BRAT1: variants seen among roughly 807,000 people sequenced by gnomAD.
The protein encoded by BRAT1 is BRCA1 associated ATM activator 1, also known as integrator complex assembly factor BRAT1.
In BRAT1, 74 loss-of-function variants were observed where a neutral mutation model predicts 70.6. The ratio of observed to expected loss-of-function variants is 1.05; its 90% CI spans 0.87 to 1.27. The LOEUF is 1.27. Among genes scored for constraint, BRAT1 ranks in the 50% most tolerant of loss-of-function variants. The probability of loss-of-function intolerance (pLI) is 0.00; values close to 1 mark genes in which losing one functional copy is unlikely to be tolerated. For missense variants in BRAT1, 1,203 were observed against 1,098.2 expected, an observed-to-expected ratio of 1.10 and a Z score of -1.35; for synonymous variants, 615 against 517.1, an observed-to-expected ratio of 1.19 and a Z score of -2.57.
At chr7:2,542,319 A>G in intron 6 of BRAT1, 108 bp from the exon 7 acceptor site, 3 of 901,038 alleles carry the variant, frequency 3.3e-6, no homozygotes, top group Admixed American at 4.5e-5. Context: ...GGGTTGGGAC[A>G]CCCCCCGAGA....
At chr7:2,541,098 G>A in intron 9 of BRAT1, 46 bp from the exon 10 acceptor site, 2 of 1,483,868 alleles carry the variant, frequency 1.3e-6, no homozygotes, top group Non-Finnish European at 1.8e-6. Flanking sequence ...CCCACCCTAG[G>A]ACCCTCCCCA....
Position 2,541,822 on chromosome 7 carries a change from T to A in BRAT1, c.1030A>T (p.Thr344Ser), listed in dbSNP as rs763783847. ...TCCACCGTCGTGGCATCGTCTGCCG[T>A]CCCGTCCAGCAAGCCTGGGGGCCAA... ...APGPPGLLDG[T>S]ADDATTVDTL... Residue 344 changes from threonine to serine, a missense_variant, in exon 8 of 14, where the codon ACG becomes TCG. Physicochemically the swap from Thr to Ser is moderately conservative, Grantham distance 58. Transcript: ENST00000340611. 6.8e-6 allele frequency: 11 copies of A among 1,612,554 alleles called. No homozygotes were observed. Among genetic ancestry groups the A allele is most frequent in the Non-Finnish European group, 9.3e-6 (11 of 1,179,850 alleles).
rs552364140 is a variant in BRAT1 at position 2,545,141 on chromosome 7, A to G, written c.283-85T>C. 9.1e-5 allele frequency: 125 copies of G among 1,381,144 alleles called. No homozygotes were observed. The African/African-American group carries it at 1.6e-3, about 18-fold the overall frequency. The allele number at this position is 1,381,144 out of a possible 1,614,324, so 85.6% of individuals were successfully genotyped here. On this transcript the variant is annotated intron_variant, in intron 3 of 13. Coordinates refer to ENST00000340611, the MANE Select transcript of BRAT1 (RefSeq NM_152743.4). ...AGCACTTTGGGAGGCCGAGGAGGGC[A>G]GATCACGAGGTCAGGAGTTCGAGAC...
intron 2 of BRAT1, among the ~76,000 whole-genome samples, chr7:2,551,498 C>T (rs1437868739): frequency 2.6e-5 from 4 of 151,318 alleles, no homozygotes; most frequent in Non-Finnish European, 5.9e-5. Context: ...CCAAGCTGGC[C>T]TGGACAAGAT....
At chr7:2,546,506 G>GA (rs1178914976) in intron 3 of BRAT1, among the ~76,000 whole-genome samples, 3 of 152,176 alleles carry the variant, frequency 2.0e-5, no homozygotes, top group African/African-American at 7.2e-5. Flanking sequence ...GGCCGAGGCA[G>GA]ACGGATCACT....
chr7:2,551,851 A>C (rs1583336530), intron 2 of BRAT1, among the ~76,000 whole-genome samples: 2 of 151,326 alleles, frequency 1.3e-5, no homozygotes, highest in African/African-American at 4.8e-5. Flanking sequence ...GATTCAAAAC[A>C]TATGTTATGT....
chr7:2,541,654 T>C, intron 8 of BRAT1, 64 bp downstream of exon 8: 1 of 1,519,616 alleles, frequency 6.6e-7, no homozygotes. Flanking sequence ...GGCGTCAGCC[T>C]ACGTTGCGGT....
At chr7:2,553,975 A>C (rs374753377) in intron 2 of BRAT1, among the ~76,000 whole-genome samples, 2 of 152,188 alleles carry the variant, frequency 1.3e-5, no homozygotes, top group South Asian at 4.1e-4. Flanking sequence ...AAGAAAACAA[A>C]TCTGATGTCT....
intron 2 of BRAT1, among the ~76,000 whole-genome samples, chr7:2,551,275 A>C (rs926779421): frequency 6.7e-6 from 1 of 149,588 alleles, no homozygotes; most frequent in Non-Finnish European, 1.5e-5. Flanking sequence ...ATATATATCT[A>C]TATATAGATA....
chr7:2,545,380 A>AAAAAAG (rs1311031260), intron 3 of BRAT1, among the ~76,000 whole-genome samples: 2 of 149,662 alleles, frequency 1.3e-5, no homozygotes, highest in African/African-American at 4.9e-5. Context: ...AAAAAAAAAA[A>AAAAAAG]AAAAAAAAAA....
rs1004963660 is a variant in BRAT1 at position 2,543,042 on chromosome 7, G to A, written c.923+162C>T. 5.1e-6 allele frequency: 4 copies of A among 789,656 alleles called. No homozygotes were observed. The African/African-American group carries it at 5.4e-5, about 11-fold the overall frequency. 48.9% of individuals were successfully genotyped at this position (789,656 alleles called of 1,614,324 possible). On this transcript the variant is annotated intron_variant, in intron 6 of 13. Transcript: ENST00000340611. The surrounding 1 kb of genome is among the most constrained non-coding windows in gnomAD (Gnocchi z 5.5). The stretch of plus-strand genomic sequence containing the variant: ...TTCTGTTGCTAAAGAACCTTCAGAA[G>A]CTGCCGCGCGCAACCCACGCACCAC...
rs1324555671 is a variant in BRAT1 at position 2,542,370 on chromosome 7, CAG to C, written c.924-161_924-160del. 7.6e-6 allele frequency: 5 copies of C among 661,950 alleles called. No individual in the cohort carries two copies. The Admixed American group carries it at 1.3e-4, about 17-fold the overall frequency. 41.0% of individuals were successfully genotyped at this position (661,950 alleles called of 1,614,324 possible). A position where few individuals can be genotyped will look rare whatever the true frequency, so the allele number is the denominator to read the frequency against. On this transcript the variant is annotated intron_variant, in intron 6 of 13. Transcript: ENST00000340611. ...CCACTGGCCAGGGGATGCCATGGGA[CAG>C]AGTGGCGGGGAGGACAGGCCTGACC...
At chr7:2,539,383 A>G (rs1427676550) in intron 12 of BRAT1, 32 bp from the exon 13 acceptor site, 3 of 1,581,974 alleles carry the variant, frequency 1.9e-6, no homozygotes, top group Non-Finnish European at 1.7e-6. Context: ...TGCAGCTGTG[A>G]CTGAGGGCCG....
At chr7:2,546,812 A>G (rs913452633) in intron 3 of BRAT1, among the ~76,000 whole-genome samples, 1 of 152,220 alleles carries the variant, frequency 6.6e-6, no homozygotes, top group African/African-American at 2.4e-5. Context: ...AGTCATTCAC[A>G]TTCTCATTAG....
Position 2,539,223 on chromosome 7 carries a change from C to T in BRAT1, c.1726G>A (p.Gly576Ser), listed in dbSNP as rs61740320. 22,650 of 1,610,692 alleles carry T rather than the reference C, an allele frequency of 0.014. 200 individuals carry two copies. The highest frequency in any genetic ancestry group is 0.016 in the Non-Finnish European group (18,825 of 1,179,598). Residue 576 changes from glycine to serine, a missense_variant, in exon 13 of 14, where the codon GGC becomes AGC. By Grantham distance (56) the Gly-to-Ser change is moderately conservative. Transcript: ENST00000340611. Reference protein sequence around the residue: ...VTAMGQLSSQGLHAPTSPEHA... With the variant: ...VTAMGQLSSQSLHAPTSPEHA... The stretch of plus-strand genomic sequence containing the variant: ...TCAGGGCTGGTGGGGGCGTGCAGGC[C>T]CTGGCTGGACAGCTGCCCCATGGCG...
rs1341799503 is a variant in BRAT1 at position 2,538,774 on chromosome 7, A to G, written c.1771-10T>C. On this transcript the variant is annotated splice_polypyrimidine_tract_variant and intron_variant, in intron 13 of 13. Coordinates refer to ENST00000340611, the MANE Select transcript of BRAT1 (RefSeq NM_152743.4). ...GCTCCAGGAACAGGCTCTGGGGGAC[A>G]GGGAGCAAGTGCGGATGGTTGGTGG... The G allele has an allele frequency of 3.1e-6, 5 of 1,597,984 alleles. No individual in the cohort carries two copies. Among genetic ancestry groups the G allele is most frequent in the Non-Finnish European group, 4.2e-6 (5 of 1,179,770 alleles).
chr7:2,539,583 C>T lies in BRAT1; in HGVS notation c.1558G>A (p.Ala520Thr), dbSNP rs1345256063. Residue 520 changes from alanine to threonine, a missense_variant, in exon 12 of 14, where the codon GCC (alanine) becomes ACC (threonine). Ala to Thr is a moderately conservative substitution (Grantham distance 58). Coordinates refer to ENST00000340611, the MANE Select transcript of BRAT1 (RefSeq NM_152743.4). ...CHPCWEVRDS[A>T]LEFLTQLSRH... ...CTCAGCTGGGTCAGGAACTCGAGGG[C>T]GGAGTCCCTCACCTCCCAGCAGGGG... The T allele has an allele frequency of 3.8e-6, 6 of 1,585,854 alleles. No homozygotes were observed. The highest frequency in any genetic ancestry group is 2.3e-5 in the East Asian group (1 of 43,174).
At chr7:2,548,093 C>CAAAAAAA (rs57069903) in intron 2 of BRAT1, among the ~76,000 whole-genome samples, 1 of 98,826 alleles carries the variant, frequency 1.0e-5, no homozygotes. Context: ...GACTCCATTC[C>CAAAAAAA]AAAAAAAAAA....
At chr7:2,538,785 G>A (rs757070415) in intron 13 of BRAT1, 21 bp from the exon 14 acceptor site, 3 of 1,597,742 alleles carry the variant, frequency 1.9e-6, no homozygotes, top group East Asian at 2.2e-5. Context: ...GGGAGCAAGT[G>A]CGGATGGTTG....
Sources: gnomAD v4.1 joint callset for allele counts (sites outside exome capture counted in the v4.1 genomes callset) on GRCh38, gnomAD v4.1.1 for gene constraint, Gnocchi (gnomAD v3.1) non-coding constraint, MANE v1.5 for transcripts, NCBI Gene and HGNC (gene_info 2026-07-23, HGNC 2026-07-21) for gene names.